GLI3: variants seen among roughly 807,000 people sequenced by gnomAD.
The protein encoded by GLI3 is GLI family zinc finger 3.
Under a neutral mutation model 100.8 loss-of-function variants are expected in GLI3, and 20 were observed. The observed-to-expected ratio is 0.20, with a 90% CI of 0.14 to 0.29. GLI3 has a LOEUF of 0.29. GLI3 is among the 10% of genes least tolerant of loss of function. The probability of loss-of-function intolerance (pLI) is 1.00; values close to 1 mark genes in which losing one functional copy is unlikely to be tolerated. For missense variants in GLI3, 2,040 were observed against 2,128.5 expected, an observed-to-expected ratio of 0.96 and a Z score of 0.82; for synonymous variants, 938 against 860.5, an observed-to-expected ratio of 1.09 and a Z score of -1.58.
At chr7:42,134,478 A>G (rs1400284355) in intron 3 of GLI3, among the ~76,000 whole-genome samples, 1 of 152,158 alleles carries the variant, frequency 6.6e-6, no homozygotes. Context: ...GCAACTTTTA[A>G]CTACCCTAGC....
chr7:42,170,786 T>C (rs940001317), intron 2 of GLI3, among the ~76,000 whole-genome samples: 5 of 152,292 alleles, frequency 3.3e-5, no homozygotes, highest in African/African-American at 1.2e-4. Flanking sequence ...CTCACCACAA[T>C]TGCCACAATC....
At position 42,013,017 on chromosome 7, in the gene GLI3, G is replaced by C. The variant is rs1048548878; in HGVS notation, c.1497+10451C>G. Among the ~76,000 whole-genome samples the C allele has an allele frequency of 2.0e-5, 3 of 152,254 alleles. No individual in the cohort carries two copies. In the East Asian group the frequency reaches 5.8e-4, roughly 29 times the overall value. ...AACACCATGTCCCTTTAGGCAGGTA[G>C]AGCAGCCGAGATAAGATTGGGCCGG... On this transcript the variant is annotated intron_variant, in intron 10 of 14. Transcript: ENST00000395925.
chr7:42,043,175 T>C (rs1214287935), intron 6 of GLI3, among the ~76,000 whole-genome samples: 1 of 152,212 alleles, frequency 6.6e-6, no homozygotes, highest in Non-Finnish European at 1.5e-5. Context: ...AGGATTAATG[T>C]TTCGCTTCTT....
At chr7:42,194,978 G>C (rs1030952972) in intron 2 of GLI3, among the ~76,000 whole-genome samples, 1 of 151,774 alleles carries the variant, frequency 6.6e-6, no homozygotes. Flanking sequence ...TGTTGGTCAG[G>C]GTGTTCTCAA....
Position 41,964,270 on chromosome 7 carries a change from C to G in GLI3, c.*60G>C. ...ACTAAAAAAACAGCCAAAACAAAGT[C>G]AGTTTAATCTCTTCAACTCCTATTG... is the stretch of plus-strand genomic sequence containing the variant. On this transcript the variant is annotated 3_prime_UTR_variant, in exon 15 of 15. Transcript: ENST00000395925. The G allele has an allele frequency of 6.8e-7, 1 of 1,465,656 alleles. No homozygotes were observed. Among genetic ancestry groups the G allele is most frequent in the South Asian group, 1.2e-5 (1 of 86,250 alleles). The allele number at this position is 1,465,656 out of a possible 1,614,324, so 90.8% of individuals were successfully genotyped here.
chr7:42,018,402 T>A (rs915182284), intron 10 of GLI3, among the ~76,000 whole-genome samples: 1 of 152,162 alleles, frequency 6.6e-6, no homozygotes, highest in Non-Finnish European at 1.5e-5. Flanking sequence ...CCCTATCGCA[T>A]CTTAAACTCA....
intron 3 of GLI3, among the ~76,000 whole-genome samples, chr7:42,147,889 T>A (rs1031190217): frequency 6.6e-6 from 1 of 152,162 alleles, no homozygotes; most frequent in Admixed American, 6.5e-5. Context: ...CAACAAATTT[T>A]TCTCCTGCAG....
chr7:42,052,521 CT>C (rs1341431440), intron 4 of GLI3, among the ~76,000 whole-genome samples: 1 of 152,164 alleles, frequency 6.6e-6, no homozygotes, highest in Admixed American at 6.5e-5. Flanking sequence ...CATCAGTTTC[CT>C]TATACACAAA....
At chr7:42,120,486 G>A (rs756166939) in intron 3 of GLI3, among the ~76,000 whole-genome samples, 7 of 152,210 alleles carry the variant, frequency 4.6e-5, no homozygotes, top group Non-Finnish European at 8.8e-5. Context: ...TACAAACACT[G>A]AAGAAATTTG....
At chr7:42,182,703 TACAC>T (rs1185017451) in intron 2 of GLI3, among the ~76,000 whole-genome samples, 10 of 104,166 alleles carry the variant, frequency 9.6e-5, no homozygotes, top group African/African-American at 3.9e-4. Flanking sequence ...TATATATATA[TACAC>T]ACATATAAAT....
At chr7:41,988,744 A>G (rs1179291234) in intron 10 of GLI3, among the ~76,000 whole-genome samples, 4 of 152,220 alleles carry the variant, frequency 2.6e-5, no homozygotes, top group Non-Finnish European at 5.9e-5. Flanking sequence ...TGTTATCGCA[A>G]CAGAAACAGG....
intron 2 of GLI3, among the ~76,000 whole-genome samples, chr7:42,182,671 TATATATATATAC>T (rs369075280): frequency 0.11 from 9,939 of 92,666 alleles, 810 homozygotes; most frequent in Non-Finnish European, 0.14. Flanking sequence ...TATATATATA[TATATATATATAC>T]ACATGTGTGT....
chr7:42,168,777 G>C (rs985844867), intron 2 of GLI3, among the ~76,000 whole-genome samples: 5 of 151,952 alleles, frequency 3.3e-5, no homozygotes, highest in Admixed American at 3.3e-4. Flanking sequence ...AATTAGCCAG[G>C]CATGGTGGCA....
intron 3 of GLI3, among the ~76,000 whole-genome samples, chr7:42,127,441 G>A (rs73688648): frequency 0.05 from 7,579 of 152,230 alleles, 641 homozygotes; most frequent in African/African-American, 0.17. Flanking sequence ...GATCTGACTT[G>A]CAAAACTGTT....
At chr7:42,172,565 T>G in intron 2 of GLI3, 1 of 703,056 alleles carries the variant, frequency 1.4e-6, no homozygotes, top group Non-Finnish European at 2.6e-6. Context: ...AGCTTCCCCC[T>G]TTCAAGGTAG....
chr7:42,156,922 T>C (rs761977822), intron 2 of GLI3, among the ~76,000 whole-genome samples: 2 of 152,240 alleles, frequency 1.3e-5, no homozygotes, highest in Non-Finnish European at 2.9e-5. Flanking sequence ...GGTGTGTTTA[T>C]GTTGCATGTT....
At chr7:42,094,439 C>G (rs1356149707) in intron 3 of GLI3, among the ~76,000 whole-genome samples, 1 of 150,040 alleles carries the variant, frequency 6.7e-6, no homozygotes, top group African/African-American at 2.5e-5. Flanking sequence ...CCCGTCTCTA[C>G]TAAAAATACA....
At chr7:42,228,717 G>A (rs1788634145) in intron 1 of GLI3, among the ~76,000 whole-genome samples, 1 of 152,188 alleles carries the variant, frequency 6.6e-6, no homozygotes, top group Non-Finnish European at 1.5e-5. Flanking sequence ...AAACCAATAG[G>A]TGTGTGCTTC....
chr7:42,221,583 C>T (rs543850073), intron 2 of GLI3, among the ~76,000 whole-genome samples: 1 of 152,284 alleles, frequency 6.6e-6, no homozygotes, highest in Non-Finnish European at 1.5e-5. Context: ...CATGTGCACT[C>T]ACGCAAACTA....
Sources: allele counts gnomAD v4.1 joint callset (sites outside exome capture counted in the v4.1 genomes callset), GRCh38; gene constraint gnomAD v4.1.1; transcripts MANE v1.5; gene names NCBI Gene and HGNC (gene_info 2026-07-23, HGNC 2026-07-21).